The following PDE3A variants were observed in gnomAD, a reference collection of about 807,000 sequenced individuals.
PDE3A encodes phosphodiesterase 3A.
Under a neutral mutation model 98.3 loss-of-function variants are expected in PDE3A, and 43 were observed. That is an observed-to-expected ratio of 0.44 (90% confidence interval 0.34 to 0.56). The LOEUF is 0.56. Among genes scored for constraint, PDE3A ranks in the 20% least tolerant of loss-of-function variants. The probability of loss-of-function intolerance (pLI) is 0.01; values close to 1 mark genes in which losing one functional copy is unlikely to be tolerated. For missense variants in PDE3A, 1,427 were observed against 1,440.7 expected (o/e 0.99, Z 0.15); for synonymous variants, 663 against 567.9 (o/e 1.17, Z -2.38).
intron 1 of PDE3A, among the ~76,000 whole-genome samples, chr12:20,496,182 G>A (rs533589170): frequency 6.6e-6 from 1 of 152,224 alleles, no homozygotes; most frequent in South Asian, 2.1e-4. Flanking sequence ...CATCAGTAAG[G>A]AGGAAAGAGA....
At chr12:20,534,330 A>G (rs1015459088) in intron 1 of PDE3A, among the ~76,000 whole-genome samples, 7 of 152,256 alleles carry the variant, frequency 4.6e-5, no homozygotes. Context: ...TTTGCTTGTC[A>G]GAGCATGAGT....
intron 2 of PDE3A, among the ~76,000 whole-genome samples, chr12:20,599,318 C>A (rs1302939021): frequency 6.6e-6 from 1 of 152,114 alleles, no homozygotes; most frequent in Non-Finnish European, 1.5e-5. Flanking sequence ...CTCCTGTTTT[C>A]TCTTTGTTGC....
chr12:20,590,327 C>T (rs551576346), intron 2 of PDE3A, among the ~76,000 whole-genome samples: 49 of 149,146 alleles, frequency 3.3e-4, no homozygotes, highest in African/African-American at 1.2e-3. Context: ...CCTCTGACCC[C>T]TTTTCTTCTC....
chr12:20,521,465 C>T (rs1341485156), intron 1 of PDE3A, among the ~76,000 whole-genome samples: 2 of 152,074 alleles, frequency 1.3e-5, no homozygotes, highest in African/African-American at 4.8e-5. Context: ...TGATACTGAA[C>T]ATGTACACTG....
intron 2 of PDE3A, among the ~76,000 whole-genome samples, chr12:20,594,894 T>G (rs1301757943): frequency 6.6e-6 from 1 of 152,088 alleles, no homozygotes; most frequent in Non-Finnish European, 1.5e-5. Flanking sequence ...TCTCCTAAAC[T>G]GAAGTTATTA....
chr12:20,650,659 T>C, intron 14 of PDE3A, 59 bp downstream of exon 14: 3 of 1,035,982 alleles, frequency 2.9e-6, no homozygotes, highest in South Asian at 3.5e-5. Flanking sequence ...CATGAATTGC[T>C]CAAAGCTTCT....
intron 1 of PDE3A, among the ~76,000 whole-genome samples, chr12:20,544,467 T>C (rs1378289450): frequency 1.3e-5 from 2 of 151,388 alleles, no homozygotes; most frequent in Non-Finnish European, 2.9e-5. Flanking sequence ...GATTAGAGGG[T>C]GGAAAATGGA....
rs549375497 is a variant in PDE3A at position 20,669,025 on chromosome 12, C to A, written c.3185-11005C>A. On this transcript the variant is annotated intron_variant, in intron 15 of 15. Coordinates refer to ENST00000359062, the MANE Select transcript of PDE3A (RefSeq NM_000921.5). ...TTAAAGGAGCTGATGGAGCTGAAAA[C>A]CAAGGCTCGAGAACTACGTGAAGAA... 2.6e-3 allele frequency among the ~76,000 whole-genome samples: 398 copies of A among 151,194 alleles called. 2 individuals carry two copies. The highest frequency in any genetic ancestry group is 6.8e-3 in the Middle Eastern group (2 of 292).
At chr12:20,429,543 G>A (rs1342438717) in intron 1 of PDE3A, among the ~76,000 whole-genome samples, 2 of 152,148 alleles carry the variant, frequency 1.3e-5, no homozygotes, top group Non-Finnish European at 2.9e-5. Context: ...GCTCTCCTAA[G>A]CCTAGAGCAA....
intron 2 of PDE3A, among the ~76,000 whole-genome samples, chr12:20,565,298 A>C (rs1008565921): frequency 1.3e-5 from 2 of 152,042 alleles, no homozygotes; most frequent in Non-Finnish European, 2.9e-5. Flanking sequence ...TTTGAATTGC[A>C]ATATCTGACA....
rs1944985909 is a variant in PDE3A at position 20,654,203 on chromosome 12, C to T, written c.3182C>T (p.Pro1061Leu). Reference protein sequence around the residue: ...EEETCENNESPKKKTFKRRKI... With the variant: ...EEETCENNESLKKKTFKRRKI... ...GAAACCTGTGAAAATAATGAATCTC[C>T]AAGTAAGTTCTAAAACCTAGTTCTA... is the stretch of plus-strand genomic sequence containing the variant. The change falls in exon 15 of 16, where the codon CCA (proline) becomes CTA (leucine). Residue 1061 changes from proline to leucine, a missense_variant and splice_region_variant. Pro to Leu is a moderately conservative substitution (Grantham distance 98). Around this residue, in one of 3 missense-constraint regions of PDE3A, gnomAD observed 142 missense variants for 133.9 expected, o/e 1.06. Transcript: ENST00000359062. 1 of 1,613,754 alleles carries T rather than the reference C, an allele frequency of 6.2e-7. No homozygotes were observed. The highest frequency in any genetic ancestry group is 1.7e-5 in the Admixed American group (1 of 59,964).
chr12:20,664,165 G>C (rs1462346277), intron 15 of PDE3A, among the ~76,000 whole-genome samples: 1 of 152,104 alleles, frequency 6.6e-6, no homozygotes, highest in African/African-American at 2.4e-5. Context: ...GGCCTCCCCA[G>C]CCCTGTGGAA....
intron 2 of PDE3A, among the ~76,000 whole-genome samples, chr12:20,603,135 T>C (rs1000965935): frequency 2.6e-5 from 4 of 152,182 alleles, no homozygotes; most frequent in African/African-American, 4.8e-5. Flanking sequence ...TTTCCCAGCA[T>C]TGAGGACCAA....
intron 1 of PDE3A, among the ~76,000 whole-genome samples, chr12:20,455,213 G>T (rs560580276): frequency 1.3e-5 from 2 of 152,158 alleles, no homozygotes; most frequent in South Asian, 4.1e-4. Context: ...CTAATGCTCA[G>T]TCATGTTGAG....
At chr12:20,609,773 AG>A (rs754507055) in intron 2 of PDE3A, among the ~76,000 whole-genome samples, 4 of 152,032 alleles carry the variant, frequency 2.6e-5, no homozygotes, top group Non-Finnish European at 5.9e-5. Context: ...ATTTTACACA[AG>A]GGTGCTAGGA....
intron 1 of PDE3A, among the ~76,000 whole-genome samples, chr12:20,458,828 A>G (rs1945197775): frequency 1.3e-5 from 2 of 152,164 alleles, no homozygotes; most frequent in African/African-American, 4.8e-5. Context: ...GCATGGATAC[A>G]GCCTTTGAGG....
At chr12:20,562,425 G>A (rs1434951583) in intron 2 of PDE3A, among the ~76,000 whole-genome samples, 2 of 151,836 alleles carry the variant, frequency 1.3e-5, no homozygotes, top group East Asian at 3.9e-4. Flanking sequence ...TCACCATTTT[G>A]GCCAGCATGA....
chr12:20,421,232 T>G (rs765268836), intron 1 of PDE3A, among the ~76,000 whole-genome samples: 1 of 152,198 alleles, frequency 6.6e-6, no homozygotes, highest in Non-Finnish European at 1.5e-5. Flanking sequence ...TGTATATCTT[T>G]CTAATTTTTT....
chr12:20,386,070 A>ATATAT (rs1287357306), intron 1 of PDE3A, among the ~76,000 whole-genome samples: 6 of 37,110 alleles, frequency 1.6e-4, no homozygotes, highest in African/African-American at 5.2e-4. Context: ...AAATATATAT[A>ATATAT]AAATATATAT....
Sources: gnomAD v4.1 joint callset for allele counts (sites outside exome capture counted in the v4.1 genomes callset) on GRCh38, gnomAD v4.1.1 for gene constraint, gnomAD v4.1.1 regional missense constraint, MANE v1.5 for transcripts, NCBI Gene and HGNC (gene_info 2026-07-23, HGNC 2026-07-21) for gene names.